Variants in ZNF385D observed in about 807,000 individuals in gnomAD.
The protein encoded by ZNF385D is zinc finger protein 385D.
ZNF385D carries 15 observed loss-of-function variants against 35.8 expected under a neutral mutation model. The observed-to-expected ratio is 0.42, with a 90% CI of 0.28 to 0.64. The LOEUF is 0.64. ZNF385D is among the 30% of genes least tolerant of loss of function. The pLI is 0.23. For synonymous variants in ZNF385D, 212 were observed against 186.8 expected (o/e 1.13, Z -1.10); for missense variants, 474 against 494.6 (o/e 0.96, Z 0.39).
intron 3 of ZNF385D, among the ~76,000 whole-genome samples, chr3:21,912,743 T>G (rs1700021917): frequency 6.6e-6 from 1 of 152,042 alleles, no homozygotes; most frequent in Non-Finnish European, 1.5e-5. Context: ...TAAAATACAC[T>G]GACAACAATT....
At chr3:22,223,105 G>T (rs979000397) in intron 2 of ZNF385D, among the ~76,000 whole-genome samples, 5 of 152,010 alleles carry the variant, frequency 3.3e-5, no homozygotes, top group African/African-American at 1.2e-4. Context: ...TTTAATGTAA[G>T]AACTATGATA....
chr3:22,146,390 T>G (rs1291020432), intron 3 of ZNF385D, among the ~76,000 whole-genome samples: 1 of 152,108 alleles, frequency 6.6e-6, no homozygotes, highest in Non-Finnish European at 1.5e-5. Context: ...ACTACAACAG[T>G]GGGTTGTATA....
intron 2 of ZNF385D, among the ~76,000 whole-genome samples, chr3:21,642,107 T>A (rs1185105813): frequency 6.6e-6 from 1 of 152,120 alleles, no homozygotes; most frequent in Non-Finnish European, 1.5e-5. Flanking sequence ...TCACACCCTA[T>A]GCAAATGGCA....
At chr3:22,201,812 T>C (rs1376303487) in intron 2 of ZNF385D, among the ~76,000 whole-genome samples, 5 of 149,576 alleles carry the variant, frequency 3.3e-5, no homozygotes, top group East Asian at 3.9e-4. Flanking sequence ...TATATATACA[T>C]ATATATATAT....
intron 4 of ZNF385D, among the ~76,000 whole-genome samples, chr3:21,440,330 T>G (rs765733163): frequency 2.6e-5 from 4 of 152,256 alleles, no homozygotes; most frequent in Non-Finnish European, 5.9e-5. Context: ...TCTGTGGGCT[T>G]CCTTCTCGTA....
intron 4 of ZNF385D, among the ~76,000 whole-genome samples, chr3:21,445,839 G>A (rs1406067623): frequency 1.3e-5 from 2 of 152,096 alleles, no homozygotes; most frequent in African/African-American, 2.4e-5. Flanking sequence ...GCATATCATT[G>A]ACCTCCTAAG....
intron 3 of ZNF385D, among the ~76,000 whole-genome samples, chr3:21,880,226 G>A (rs1180682239): frequency 6.6e-6 from 1 of 151,944 alleles, no homozygotes; most frequent in East Asian, 1.9e-4. Flanking sequence ...CACTGCGTTA[G>A]AAACAGTTAT....
intron 3 of ZNF385D, among the ~76,000 whole-genome samples, chr3:22,069,985 C>T (rs1490768494): frequency 1.3e-5 from 2 of 152,202 alleles, no homozygotes; most frequent in African/African-American, 4.8e-5. Flanking sequence ...TAAGATAAAG[C>T]TGTTTGTTAC....
intron 3 of ZNF385D, among the ~76,000 whole-genome samples, chr3:21,797,690 T>A (rs1205991972): frequency 6.6e-6 from 1 of 152,166 alleles, no homozygotes; most frequent in Non-Finnish European, 1.5e-5. Flanking sequence ...ATCTATTAAG[T>A]CATAAAGAGA....
chr3:22,123,786 C>T (rs1177332205), intron 3 of ZNF385D, among the ~76,000 whole-genome samples: 4 of 152,014 alleles, frequency 2.6e-5, no homozygotes, highest in African/African-American at 9.6e-5. Context: ...TGCTTGAACC[C>T]AAGAGGCGGA....
At position 21,417,183 on chromosome 3, in the gene ZNF385D, C is replaced by T. The variant is rs1383161464; in HGVS notation, c.*4031G>A. The T allele has an allele frequency of 3.9e-5, 6 of 152,060 alleles. No homozygotes were observed. Among genetic ancestry groups the T allele is most frequent in the African/African-American group, 1.4e-4 (6 of 41,406 alleles). 9.4% of individuals were successfully genotyped at this position (152,060 alleles called of 1,614,324 possible). A position where few individuals can be genotyped will look rare whatever the true frequency, so the allele number is the denominator to read the frequency against. ...TATGTGAGTAGCTGCATTGGTCACTCGAATAAAGAATTTTTATTCCTGAGA... is the reference window on the plus strand; with the variant it reads ...TATGTGAGTAGCTGCATTGGTCACTTGAATAAAGAATTTTTATTCCTGAGA... On this transcript the variant is annotated 3_prime_UTR_variant, in exon 8 of 8. Coordinates refer to ENST00000281523, the MANE Select transcript of ZNF385D (RefSeq NM_024697.3).
At chr3:21,728,475 C>T (rs573721808) in intron 1 of ZNF385D, among the ~76,000 whole-genome samples, 1 of 152,128 alleles carries the variant, frequency 6.6e-6, no homozygotes, top group South Asian at 2.1e-4. Flanking sequence ...AAACAAAAGG[C>T]ATTCAATTAA....
intron 4 of ZNF385D, among the ~76,000 whole-genome samples, chr3:21,508,767 C>T (rs982073179): frequency 9.9e-5 from 15 of 152,158 alleles, no homozygotes; most frequent in Middle Eastern, 3.2e-3. Flanking sequence ...TAAACTTCTA[C>T]ACTTTGGAAT....
intron 3 of ZNF385D, among the ~76,000 whole-genome samples, chr3:21,888,409 C>A (rs1167867716): frequency 6.6e-6 from 1 of 151,886 alleles, no homozygotes; most frequent in Non-Finnish European, 1.5e-5. Flanking sequence ...GGAAGAAGAA[C>A]CATTGGGAAG....
intron 3 of ZNF385D, among the ~76,000 whole-genome samples, chr3:21,801,567 T>G (rs907731427): frequency 1.3e-5 from 2 of 152,196 alleles, no homozygotes; most frequent in African/African-American, 4.8e-5. Context: ...GAGGCACTGT[T>G]ACCTTTTTCT....
chr3:21,498,325 C>A (rs1196038843), intron 4 of ZNF385D, among the ~76,000 whole-genome samples: 1 of 151,672 alleles, frequency 6.6e-6, no homozygotes, highest in Non-Finnish European at 1.5e-5. Flanking sequence ...GATTTCATGA[C>A]AAAGATGCCA....
intron 3 of ZNF385D, among the ~76,000 whole-genome samples, chr3:22,152,581 T>A (rs1705311019): frequency 6.6e-6 from 1 of 152,102 alleles, no homozygotes; most frequent in Non-Finnish European, 1.5e-5. Flanking sequence ...CCTTCCTCCA[T>A]CTCCTAAGTG....
chr3:21,847,324 A>G (rs1295573811), intron 3 of ZNF385D, among the ~76,000 whole-genome samples: 1 of 152,106 alleles, frequency 6.6e-6, no homozygotes, highest in Admixed American at 6.6e-5. Flanking sequence ...ACTGTTTAAG[A>G]AAGTTTGAAA....
At chr3:21,661,967 A>G (rs73819941) in intron 2 of ZNF385D, among the ~76,000 whole-genome samples, 1 of 152,062 alleles carries the variant, frequency 6.6e-6, no homozygotes, top group African/African-American at 2.4e-5. Context: ...ACATTTTAAA[A>G]TTTTTCCTTT....
Sources: gnomAD v4.1 joint callset for allele counts (sites outside exome capture counted in the v4.1 genomes callset) on GRCh38, gnomAD v4.1.1 for gene constraint, MANE v1.5 for transcripts, NCBI Gene and HGNC (gene_info 2026-07-23, HGNC 2026-07-21) for gene names.